Variants in TAFA1 observed in about 807,000 individuals in gnomAD.
TAFA1 encodes chemokine-like protein TAFA-1.
Under a neutral mutation model 18.5 loss-of-function variants are expected in TAFA1, and 4 were observed. The ratio of observed to expected loss-of-function variants is 0.22; its 90% CI spans 0.11 to 0.49. The LOEUF is 0.49. TAFA1 is among the 20% of genes least tolerant of loss of function. The pLI is 0.98. For missense variants in TAFA1, 147 were observed against 169.0 expected (o/e 0.87, Z 0.72); for synonymous variants, 56 against 55.2 (o/e 1.01, Z -0.06).
At chr3:68,336,449 C>G (rs2068970402) in intron 2 of TAFA1, among the ~76,000 whole-genome samples, 1 of 152,162 alleles carries the variant, frequency 6.6e-6, no homozygotes, top group Non-Finnish European at 1.5e-5. Context: ...AAAGAAAATC[C>G]AGAAATCTGA....
chr3:68,263,660 G>T (rs1168886406), intron 2 of TAFA1, among the ~76,000 whole-genome samples: 4 of 151,914 alleles, frequency 2.6e-5, no homozygotes, highest in African/African-American at 9.7e-5. Flanking sequence ...TGGAGGGGCG[G>T]GGGGCGGTCA....
intron 2 of TAFA1, among the ~76,000 whole-genome samples, chr3:68,323,223 A>C (rs964945920): frequency 1.3e-5 from 2 of 152,164 alleles, no homozygotes; most frequent in African/African-American, 4.8e-5. Context: ...CAGGGAGAAC[A>C]CTACCTCCTC....
At chr3:68,465,353 A>T in intron 3 of TAFA1, among the ~76,000 whole-genome samples, 1 of 152,110 alleles carries the variant, frequency 6.6e-6, no homozygotes, top group East Asian at 1.9e-4. Context: ...TTGAGCATCA[A>T]AACTATATAA....
chr3:68,154,611 C>T (rs75418223), intron 2 of TAFA1, among the ~76,000 whole-genome samples: 2,127 of 152,272 alleles, frequency 0.014, 52 homozygotes, highest in African/African-American at 0.048. Flanking sequence ...GTCCAGAGAC[C>T]AGGTCCGCCT....
At position 68,544,632 on chromosome 3, in the gene TAFA1, A is replaced by G; in HGVS notation, c.*129A>G. 1 of 929,956 alleles carries G rather than the reference A, an allele frequency of 1.1e-6. No individual in the cohort carries two copies. Among genetic ancestry groups the G allele is most frequent in the South Asian group, 1.5e-5 (1 of 67,984 alleles). 57.6% of individuals were successfully genotyped at this position (929,956 alleles called of 1,614,324 possible). On this transcript the variant is annotated 3_prime_UTR_variant, in exon 5 of 5. Coordinates refer to ENST00000478136, the MANE Select transcript of TAFA1 (RefSeq NM_213609.4). ...CACTTTGACTGGCTACCAGATAATC[A>G]CAGTGCGTTTACTGTGTGTAACGAA...
chr3:68,068,148 G>A (rs1018576707), intron 2 of TAFA1, among the ~76,000 whole-genome samples: 1 of 152,098 alleles, frequency 6.6e-6, no homozygotes, highest in African/African-American at 2.4e-5. Context: ...TACATGCTAA[G>A]CAAGCACTTT....
In TAFA1 at chr3:68,278,777, A is replaced by G. The variant is rs750425292; in HGVS notation, c.119-138503A>G. Among the ~76,000 whole-genome samples, 5 of 151,680 alleles carry G rather than the reference A, an allele frequency of 3.3e-5. No individual in the cohort carries two copies. The East Asian group carries it at 9.7e-4, about 29-fold the overall frequency. ...TAAAATACACATTCCCACACCCACCACCCCCATAGATTCGCATTCAGTAGG... is the reference window on the plus strand; with the variant it reads ...TAAAATACACATTCCCACACCCACCGCCCCCATAGATTCGCATTCAGTAGG... On this transcript the variant is annotated intron_variant, in intron 2 of 4. Transcript: ENST00000478136.
At chr3:68,428,499 C>A (rs1032721556) in intron 3 of TAFA1, among the ~76,000 whole-genome samples, 2 of 151,796 alleles carry the variant, frequency 1.3e-5, no homozygotes, top group Non-Finnish European at 2.9e-5. Context: ...AGAGGAGAAA[C>A]CTGGGTTCCT....
chr3:68,379,957 C>G (rs1232814023), intron 2 of TAFA1, among the ~76,000 whole-genome samples: 1 of 151,870 alleles, frequency 6.6e-6, no homozygotes, highest in African/African-American at 2.4e-5. Flanking sequence ...TGATGTTCCC[C>G]TTCCTGTGTC....
intron 2 of TAFA1, among the ~76,000 whole-genome samples, chr3:68,283,756 A>C (rs1294225286): frequency 6.6e-6 from 1 of 152,294 alleles, no homozygotes; most frequent in African/African-American, 2.4e-5. Flanking sequence ...CCCACAGCAC[A>C]AAGCAGGGAT....
At chr3:68,255,277 T>C (rs2067275603) in intron 2 of TAFA1, among the ~76,000 whole-genome samples, 1 of 152,168 alleles carries the variant, frequency 6.6e-6, no homozygotes, top group South Asian at 2.1e-4. Flanking sequence ...TTCTCTTTTA[T>C]TAGGTTTGGC....
At chr3:68,268,430 G>A (rs1425628920) in intron 2 of TAFA1, among the ~76,000 whole-genome samples, 1 of 152,052 alleles carries the variant, frequency 6.6e-6, no homozygotes, top group Non-Finnish European at 1.5e-5. Context: ...CATGGATGGG[G>A]GGAGCCAGGC....
At chr3:68,132,065 G>A (rs1369446555) in intron 2 of TAFA1, among the ~76,000 whole-genome samples, 2 of 152,080 alleles carry the variant, frequency 1.3e-5, no homozygotes, top group East Asian at 1.9e-4. Context: ...AGTGTGTGAT[G>A]TTCCTCTCTC....
intron 2 of TAFA1, among the ~76,000 whole-genome samples, chr3:68,106,655 G>A (rs1171623825): frequency 6.6e-6 from 1 of 152,116 alleles, no homozygotes; most frequent in Non-Finnish European, 1.5e-5. Context: ...GAAAAGGCAA[G>A]TCGATGGACT....
intron 2 of TAFA1, among the ~76,000 whole-genome samples, chr3:68,139,185 A>G (rs573480678): frequency 2.6e-5 from 4 of 152,176 alleles, no homozygotes; most frequent in Non-Finnish European, 5.9e-5. Context: ...CATAATATTT[A>G]TTTATGTTAT....
chr3:68,010,791 T>A (rs971082815), intron 2 of TAFA1, among the ~76,000 whole-genome samples: 3 of 152,200 alleles, frequency 2.0e-5, no homozygotes, highest in African/African-American at 7.2e-5. Context: ...GGATCAAGTT[T>A]TTATTTGGGG....
At chr3:68,037,114 G>A (rs914839061) in intron 2 of TAFA1, among the ~76,000 whole-genome samples, 3 of 152,130 alleles carry the variant, frequency 2.0e-5, no homozygotes, top group Non-Finnish European at 4.4e-5. Context: ...AATAATGGTA[G>A]CTGTGCTAAG....
chr3:68,112,724 G>T (rs1030823717), intron 2 of TAFA1, among the ~76,000 whole-genome samples: 12 of 152,148 alleles, frequency 7.9e-5, no homozygotes, highest in African/African-American at 2.9e-4. Flanking sequence ...GGTGATATTA[G>T]CAAGGTTGCT....
intron 2 of TAFA1, among the ~76,000 whole-genome samples, chr3:68,357,812 A>C (rs889078615): frequency 4.0e-5 from 6 of 151,764 alleles, no homozygotes; most frequent in Non-Finnish European, 7.4e-5. Context: ...TCCCAATTAC[A>C]CCTGTTCAAG....
Sources: allele counts gnomAD v4.1 joint callset (sites outside exome capture counted in the v4.1 genomes callset), GRCh38; gene constraint gnomAD v4.1.1; transcripts MANE v1.5; gene names NCBI Gene and HGNC (gene_info 2026-07-23, HGNC 2026-07-21).